Variants in NELL2 observed in about 807,000 individuals in gnomAD.
The protein encoded by NELL2 is neural EGFL like 2.
NELL2 carries 41 observed loss-of-function variants against 109.6 expected under a neutral mutation model. The ratio of observed to expected loss-of-function variants is 0.37; its 90% confidence interval spans 0.29 to 0.49. NELL2 has a LOEUF of 0.49. Ranked by LOEUF, NELL2 falls within the 20% of genes least tolerant of loss-of-function variation. The probability of loss-of-function intolerance (pLI) is 0.98; values close to 1 mark genes in which losing one functional copy is unlikely to be tolerated. For synonymous variants in NELL2, 355 were observed against 344.7 expected, an observed-to-expected ratio of 1.03 and a Z score of -0.33; for missense variants, 900 against 1,008.3, an observed-to-expected ratio of 0.89 and a Z score of 1.45.
intron 2 of NELL2, among the ~76,000 whole-genome samples, chr12:44,828,352 T>A (rs1228453021): frequency 4.6e-5 from 7 of 152,120 alleles, no homozygotes. Flanking sequence ...AACAAAAACA[T>A]ACTCTTAGAA....
rs887745129 is a variant in NELL2, at chr12:44,876,169, G to A, written c.-300C>T. 3 of 1,260,672 alleles carry A rather than the reference G, an allele frequency of 2.4e-6. No homozygotes were observed. In the African/African-American group the frequency reaches 4.6e-5, roughly 19 times the overall value. The allele number at this position is 1,260,672 out of a possible 1,614,324, so 78.1% of individuals were successfully genotyped here. On this transcript the variant is annotated 5_prime_UTR_variant, in exon 1 of 20. Transcript: ENST00000429094. ...GACTCGCCCCGGCGCGGCTCCGTCGGGGAATTAGCTCCCGAGCCGAATAAA... is the reference window on the plus strand; with the variant it reads ...GACTCGCCCCGGCGCGGCTCCGTCGAGGAATTAGCTCCCGAGCCGAATAAA...
chr12:44,751,677 T>C (rs893843428), intron 9 of NELL2, among the ~76,000 whole-genome samples: 2 of 152,106 alleles, frequency 1.3e-5, no homozygotes, highest in Non-Finnish European at 2.9e-5. Context: ...CTGAAACTTA[T>C]ATATGTTGTT....
chr12:44,719,089 C>T (rs1408399760), intron 9 of NELL2, among the ~76,000 whole-genome samples: 1 of 152,090 alleles, frequency 6.6e-6, no homozygotes, highest in South Asian at 2.1e-4. Flanking sequence ...CCAAAAAAAT[C>T]AATTAATAAA....
intron 9 of NELL2, among the ~76,000 whole-genome samples, chr12:44,754,515 C>T (rs1395051357): frequency 6.6e-6 from 1 of 152,144 alleles, no homozygotes; most frequent in African/African-American, 2.4e-5. Flanking sequence ...TTTCAACTGC[C>T]ATCATCCTAG....
chr12:44,642,172 A>T (rs1456616925), intron 13 of NELL2, among the ~76,000 whole-genome samples: 31 of 152,290 alleles, frequency 2.0e-4, no homozygotes, highest in South Asian at 1.0e-3. Context: ...GAGCAGGTGC[A>T]ATGTGCTGCT....
Position 44,875,252 on chromosome 12 carries a change from T to C in NELL2, c.157A>G (p.Asn53Asp), listed in dbSNP as rs763716803. Residue 53 changes from asparagine (N) to aspartate (D), a missense_variant, in exon 2 of 20, where the codon AAT becomes GAT. Physicochemically the swap from Asn to Asp is conservative, Grantham distance 23 (BLOSUM62 1). Around this residue, in one of 4 missense-constraint regions of NELL2, gnomAD observed 200 missense variants for 191.8 expected, o/e 1.04. Coordinates refer to ENST00000429094, the MANE Select transcript of NELL2 (RefSeq NM_001145108.2). ...TGAAAGAGAAAGGCTTTCGTCCCAT[T>C]ATGCAGCCCCGGGACCTGACGCACT... is the stretch of plus-strand genomic sequence containing the variant. ...TGVRQVPGLHNGTKAFLFQDT... is the reference protein window; with the variant it reads ...TGVRQVPGLHDGTKAFLFQDT... 3 of 1,613,670 alleles carry C rather than the reference T, an allele frequency of 1.9e-6. No homozygotes were observed. The African/African-American group carries it at 4.0e-5, about 22-fold the overall frequency.
chr12:44,858,625 G>A (rs1944749456), intron 2 of NELL2, among the ~76,000 whole-genome samples: 1 of 152,128 alleles, frequency 6.6e-6, no homozygotes, highest in Admixed American at 6.5e-5. Context: ...AGTTTATATG[G>A]TGAAGCGAAA....
intron 15 of NELL2, among the ~76,000 whole-genome samples, chr12:44,593,779 T>C (rs768045703): frequency 1.3e-5 from 2 of 152,306 alleles, no homozygotes; most frequent in Admixed American, 1.3e-4. Context: ...CATAGCCTTG[T>C]AGTACAGTTT....
chr12:44,609,729 A>T (rs1324620587), intron 14 of NELL2, among the ~76,000 whole-genome samples: 1 of 152,022 alleles, frequency 6.6e-6, no homozygotes, highest in African/African-American at 2.4e-5. Context: ...TGGCCTACCC[A>T]TCTCTGGCTA....
chr12:44,658,395 A>G (rs1221402887), intron 13 of NELL2, among the ~76,000 whole-genome samples: 3 of 152,194 alleles, frequency 2.0e-5, no homozygotes, highest in African/African-American at 7.2e-5. Flanking sequence ...AGGGATGTGA[A>G]GGACCTCTTC....
intron 2 of NELL2, among the ~76,000 whole-genome samples, chr12:44,861,257 TG>T (rs1412099233): frequency 2.0e-5 from 3 of 152,192 alleles, no homozygotes; most frequent in Non-Finnish European, 4.4e-5. Context: ...CACTTGACTT[TG>T]TTTCAGACCC....
intron 9 of NELL2, among the ~76,000 whole-genome samples, chr12:44,773,842 T>G (rs753473011): frequency 2.0e-5 from 3 of 152,114 alleles, no homozygotes; most frequent in Admixed American, 6.5e-5. Flanking sequence ...ATGAAGCAAC[T>G]TCTTGATTTT....
At chr12:44,639,679 G>A (rs116070210) in intron 13 of NELL2, among the ~76,000 whole-genome samples, 31 of 152,006 alleles carry the variant, frequency 2.0e-4, no homozygotes, top group East Asian at 1.4e-3. Context: ...TCTATTGTCC[G>A]TAAGAGCCTC....
chr12:44,880,138 C>G (rs1285671654), upstream of NELL2, among the ~76,000 whole-genome samples: 2 of 139,484 alleles, frequency 1.4e-5, no homozygotes, highest in African/African-American at 5.4e-5. Context: ...CACACACACA[C>G]ACAGAGAGAG....
intron 12 of NELL2, among the ~76,000 whole-genome samples, chr12:44,679,876 G>A (rs1948439816): frequency 6.6e-6 from 1 of 152,004 alleles, no homozygotes; most frequent in African/African-American, 2.4e-5. Context: ...CTGGCCACAG[G>A]GATTCCATCT....
chr12:44,699,296 A>G (rs1949152576), intron 12 of NELL2, among the ~76,000 whole-genome samples: 1 of 152,172 alleles, frequency 6.6e-6, no homozygotes, highest in African/African-American at 2.4e-5. Context: ...TTAACAAAAC[A>G]CTAAAGTAGG....
At chr12:44,527,733 T>A in intron 16 of NELL2, among the ~76,000 whole-genome samples, 1 of 152,048 alleles carries the variant, frequency 6.6e-6, no homozygotes, top group Non-Finnish European at 1.5e-5. Flanking sequence ...TCGCAGTAAA[T>A]GGAGAGTTGT....
chr12:44,797,287 C>T (rs1454598724), intron 3 of NELL2, among the ~76,000 whole-genome samples: 1 of 152,060 alleles, frequency 6.6e-6, no homozygotes, highest in Non-Finnish European at 1.5e-5. Flanking sequence ...GCTCAAGGAA[C>T]ATGAGCCTTC....
At chr12:44,706,682 A>G (rs979184353) in intron 11 of NELL2, among the ~76,000 whole-genome samples, 2 of 152,206 alleles carry the variant, frequency 1.3e-5, no homozygotes, top group African/African-American at 2.4e-5. Flanking sequence ...GTTAATAACT[A>G]AAGTTATTAG....
Sources: gnomAD v4.1 joint callset for allele counts (sites outside exome capture counted in the v4.1 genomes callset) on GRCh38, gnomAD v4.1.1 for gene constraint, gnomAD v4.1.1 regional missense constraint, MANE v1.5 for transcripts, NCBI Gene and HGNC (gene_info 2026-07-23, HGNC 2026-07-21) for gene names.